MICAL2: variants seen among roughly 807,000 people sequenced by gnomAD.
MICAL2 encodes [F-actin]-monooxygenase MICAL2.
Under a neutral mutation model 127.3 loss-of-function variants are expected in MICAL2, and 77 were observed. The ratio of observed to expected loss-of-function variants is 0.60; its 90% CI spans 0.50 to 0.73. The LOEUF (loss-of-function observed/expected upper bound fraction) is 0.73, where lower values mean the gene tolerates loss of function less well. Ranked by LOEUF, MICAL2 falls within the 30% of genes least tolerant of loss-of-function variation. The probability of loss-of-function intolerance (pLI) is 0.00; values close to 1 mark genes in which losing one functional copy is unlikely to be tolerated. For synonymous variants in MICAL2, 570 were observed against 551.1 expected, an observed-to-expected ratio of 1.03 and a Z score of -0.48; for missense variants, 1,351 against 1,434.4, an observed-to-expected ratio of 0.94 and a Z score of 0.94.
At chr11:12,279,873 GA>G (rs1863753785) in intron 1 of MICAL2, among the ~76,000 whole-genome samples, 1 of 152,218 alleles carries the variant, frequency 6.6e-6, no homozygotes. Flanking sequence ...GGGGCACCAT[GA>G]CCAGCCAGGC....
chr11:12,262,693 C>T lies in MICAL2; in HGVS notation c.*17+156C>T, dbSNP rs760885053. 5.5e-4 allele frequency: 372 copies of T among 675,918 alleles called. 1 individual carries two copies. Among genetic ancestry groups the T allele is most frequent in the South Asian group, 1.0e-3 (58 of 57,366 alleles). The allele number at this position is 675,918 out of a possible 1,614,324, so 41.9% of individuals were successfully genotyped here. The stretch of plus-strand genomic sequence containing the variant: ...GTGGCATGGTTGGCTAACAGCATGG[C>T]GGGGGGTGTTCAGCTTGAGACCCAT... On this transcript the variant is annotated intron_variant, in intron 27 of 27. Transcript: ENST00000683283.
At chr11:12,266,452 A>AT (rs143877635), downstream of MICAL2, among the ~76,000 whole-genome samples, 301 of 152,320 alleles carry the variant, frequency 2.0e-3, no homozygotes, top group African/African-American at 6.6e-3. Context: ...AGAAAAAAAA[A>AT]GGCTTAAGTA....
chr11:12,162,042 G>T, intron 2 of MICAL2, 37 bp from the exon 3 acceptor site: 1 of 1,470,060 alleles, frequency 6.8e-7, no homozygotes, highest in Non-Finnish European at 9.3e-7. Context: ...TAACCTCATC[G>T]TCCAAAGCTG....
At chr11:12,204,178 C>T in intron 3 of MICAL2, 72 bp from the exon 4 acceptor site, 2 of 1,456,148 alleles carry the variant, frequency 1.4e-6, no homozygotes, top group South Asian at 1.2e-5. Flanking sequence ...CTTCAGTTTT[C>T]CTGCTGACTG....
At chr11:12,263,230 C>T (rs755610704) in intron 27 of MICAL2, 2 of 152,232 alleles carry the variant, frequency 1.3e-5, no homozygotes, top group Non-Finnish European at 2.9e-5. Context: ...CCATCATCAT[C>T]CCAGGCAGGG....
intron 2 of MICAL2, among the ~76,000 whole-genome samples, chr11:12,156,676 G>A (rs558073171): frequency 6.6e-6 from 1 of 152,314 alleles, no homozygotes; most frequent in Admixed American, 6.5e-5. Flanking sequence ...GTGGGAAGAT[G>A]GGGTCTGTAG....
chr11:12,280,177 T>C (rs1863757319), intron 1 of MICAL2, among the ~76,000 whole-genome samples: 1 of 152,162 alleles, frequency 6.6e-6, no homozygotes, highest in South Asian at 2.1e-4. Context: ...AGGTAGAATT[T>C]TCCATTCCCT....
chr11:12,195,735 C>CAA (rs917859048), intron 3 of MICAL2, among the ~76,000 whole-genome samples: 3 of 145,430 alleles, frequency 2.1e-5, no homozygotes, highest in African/African-American at 7.6e-5. Context: ...TAGAAAATAG[C>CAA]AATATATATA....
At chr11:12,281,129 T>C in intron 2 of MICAL2, 2 of 396,436 alleles carry the variant, frequency 5.0e-6, no homozygotes, top group Non-Finnish European at 8.9e-6. Context: ...GGCTTGATTC[T>C]GGGAAGTGGG....
At chr11:12,233,517 A>G (rs1858597597) in intron 15 of MICAL2, among the ~76,000 whole-genome samples, 3 of 152,242 alleles carry the variant, frequency 2.0e-5, no homozygotes, top group Admixed American at 1.3e-4. Context: ...CTAAAATCAC[A>G]TTAACTCGGG....
At chr11:12,342,925 G>A (rs1938890529) in intron 32 of MICAL2, among the ~76,000 whole-genome samples, 2 of 152,184 alleles carry the variant, frequency 1.3e-5, no homozygotes, top group South Asian at 2.1e-4. Flanking sequence ...TTACCGGGAG[G>A]GGGCAGGGAG....
chr11:12,168,435 A>C (rs1412224370), intron 3 of MICAL2, among the ~76,000 whole-genome samples: 11 of 151,486 alleles, frequency 7.3e-5, no homozygotes, highest in Non-Finnish European at 1.3e-4. Flanking sequence ...CACCATATAC[A>C]CACATACACA....
chr11:12,282,754 G>A (rs1262717564), intron 2 of MICAL2, among the ~76,000 whole-genome samples: 1 of 152,206 alleles, frequency 6.6e-6, no homozygotes, highest in Non-Finnish European at 1.5e-5. Flanking sequence ...TAACTCTGTA[G>A]TTTCTGGCTC....
chr11:12,312,675 CTG>C (rs1271588375), intron 29 of MICAL2, among the ~76,000 whole-genome samples: 3 of 152,156 alleles, frequency 2.0e-5, no homozygotes, highest in South Asian at 2.1e-4. Context: ...TAGAGGGAAA[CTG>C]TTCATTTTTA....
intron 32 of MICAL2, among the ~76,000 whole-genome samples, chr11:12,343,087 A>G (rs1433656077): frequency 3.9e-5 from 6 of 152,166 alleles, no homozygotes; most frequent in Admixed American, 1.3e-4. Context: ...GATCCCCCAA[A>G]GTGCTTTTGA....
intron 18 of MICAL2, 61 bp downstream of exon 18, chr11:12,241,223 G>C: frequency 6.4e-7 from 1 of 1,565,346 alleles, no homozygotes; most frequent in Non-Finnish European, 8.7e-7. Flanking sequence ...GATCCAGATG[G>C]GTGGGGTCAG....
chr11:12,242,078 G>C (rs1043299862), intron 18 of MICAL2, 136 bp from the exon 19 acceptor site: 1 of 679,116 alleles, frequency 1.5e-6, no homozygotes. Flanking sequence ...GTCAACACCT[G>C]GGGCTAGTTT....
intron 6 of MICAL2, 45 bp from the exon 7 acceptor site, chr11:12,213,210 C>T: frequency 6.4e-7 from 1 of 1,556,992 alleles, no homozygotes; most frequent in South Asian, 1.2e-5. Context: ...AGTTTTCACA[C>T]CAAATCCAGA....
In MICAL2 at chr11:12,249,235, G is replaced by C. The variant is rs1367171799; in HGVS notation, c.2836G>C (p.Val946Leu). Residue 946 changes from valine (V) to leucine (L), a missense_variant, in exon 22 of 28, where the codon GTG becomes CTG. Physicochemically the swap from Val to Leu is conservative, Grantham distance 32 (BLOSUM62 1). Around this residue, in one of 2 missense-constraint regions of MICAL2, gnomAD observed 752 missense variants for 719.4 expected, o/e 1.05. Transcript: ENST00000683283. ...TTTTCATCCCAGCCATTTGAGAACA[G>C]TGCATCCTCAGGTGAGTTAGAGCCT... ...FHFHPSHLRT[V>L]HPQLTVGKVS... is the part of the protein sequence containing the mutation. 2 of 1,592,878 alleles carry C rather than the reference G, an allele frequency of 1.3e-6. No homozygotes were observed. Among genetic ancestry groups the C allele is most frequent in the Non-Finnish European group, 1.7e-6 (2 of 1,161,014 alleles).
Sources: allele counts gnomAD v4.1 joint callset (sites outside exome capture counted in the v4.1 genomes callset), GRCh38; gene constraint gnomAD v4.1.1; regional missense constraint gnomAD v4.1.1; transcripts MANE v1.5; gene names NCBI Gene and HGNC (gene_info 2026-07-23, HGNC 2026-07-21).